BACH1: variants seen among roughly 807,000 people sequenced by gnomAD.
The protein encoded by BACH1 is transcription regulator protein BACH1.
BACH1 carries 35 observed loss-of-function variants against 52.9 expected under a neutral mutation model. That is an observed-to-expected ratio of 0.66 (90% confidence interval 0.51 to 0.88). The LOEUF (loss-of-function observed/expected upper bound fraction) is 0.88. BACH1 is among the 40% of genes least tolerant of loss of function. The pLI is 0.00. For missense variants in BACH1, 808 were observed against 872.6 expected, an observed-to-expected ratio of 0.93 and a Z score of 0.93; for synonymous variants, 321 against 319.6, an observed-to-expected ratio of 1.00 and a Z score of -0.05.
At chr21:29,359,111 A>G (rs1441393461) in intron 2 of BACH1, 1 of 152,102 alleles carries the variant, frequency 6.6e-6, no homozygotes, top group African/African-American at 2.4e-5. Context: ...TCTTATATCA[A>G]GATGTCCATC....
chr21:29,300,365 A>G (rs1433739326), intron 1 of BACH1, among the ~76,000 whole-genome samples: 5 of 152,162 alleles, frequency 3.3e-5, no homozygotes, highest in African/African-American at 1.2e-4. Flanking sequence ...AGCTGGTGCA[A>G]ATACTCTCAT....
In BACH1 at chr21:29,326,327, A is replaced by G; in HGVS notation, c.503A>G (p.Asp168Gly). 6.2e-7 allele frequency: 1 copy of G among 1,614,230 alleles called. No individual in the cohort carries two copies. Among genetic ancestry groups the G allele is most frequent in the Non-Finnish European group, 8.5e-7 (1 of 1,180,030 alleles). ...SLLDQRDLETDEVEEFLENKN... is the reference protein window; with the variant it reads ...SLLDQRDLETGEVEEFLENKN... ...TTGGACCAGAGGGATCTAGAAACTG[A>G]TGAAGTGGAGGAATTTCTGGAAAAT... The change falls in exon 3 of 5, where the codon GAT (aspartate) becomes GGT (glycine). Residue 168 changes from aspartate (D) to glycine (G), a missense_variant. Coordinates refer to ENST00000286800, the MANE Select transcript of BACH1 (RefSeq NM_001186.4).
chr21:29,299,700 G>C (rs2088581875), intron 1 of BACH1: 1 of 152,226 alleles, frequency 6.6e-6, no homozygotes, highest in Non-Finnish European at 1.5e-5. Flanking sequence ...TCATGTCATT[G>C]AGTAGAATTG....
chr21:29,342,892 G>A lies in BACH1; in HGVS notation c.*59G>A, dbSNP rs888040846. 6 of 1,490,354 alleles carry A rather than the reference G, an allele frequency of 4.0e-6. No homozygotes were observed. In the Admixed American group the frequency reaches 1.3e-4, roughly 33 times the overall value. 92.3% of individuals were successfully genotyped at this position (1,490,354 alleles called of 1,614,324 possible). A position where few individuals can be genotyped will look rare whatever the true frequency, so the allele number is the denominator to read the frequency against. On this transcript the variant is annotated 3_prime_UTR_variant, in exon 5 of 5. Coordinates refer to ENST00000286800, the MANE Select transcript of BACH1 (RefSeq NM_001186.4). ...TCTCCTGAAGTTTTGGCAGCGTCTT[G>A]AAAGCCTAATATGACCATCTGTTGC...
At chr21:29,327,545 G>A in intron 3 of BACH1, 152 bp downstream of exon 3, 1 of 1,165,618 alleles carries the variant, frequency 8.6e-7, no homozygotes, top group Non-Finnish European at 1.2e-6. Flanking sequence ...TGTGTGATAG[G>A]GCTGGGCGCA....
Position 29,307,407 on chromosome 21 carries a change from T to TTGTGTGTG in BACH1, c.-61+8467_-61+8474dup, listed in dbSNP as rs139633407. On this transcript the variant is annotated intron_variant, in intron 1 of 4. Coordinates refer to ENST00000286800, the MANE Select transcript of BACH1 (RefSeq NM_001186.4). Reference sequence around the variant, plus strand: ...AACATGTCCATTACCTCACTTACCTTTGTGTGTGTGTGTGTGTGTGGTGAG... The same window carrying TTGTGTGTG: ...AACATGTCCATTACCTCACTTACCTTTGTGTGTGTGTGTGTGTGTGTGTGTGTGGTGAG... Among the ~76,000 whole-genome samples the TTGTGTGTG allele has an allele frequency of 8.4e-3, 1,260 of 150,026 alleles. 8 individuals are homozygous for TTGTGTGTG. Among genetic ancestry groups the TTGTGTGTG allele is most frequent in the East Asian group, 0.03 (156 of 5,154 alleles).
chr21:29,341,598 G>T lies in BACH1; in HGVS notation c.1777-801G>T, dbSNP rs116228856. Among the ~76,000 whole-genome samples the T allele has an allele frequency of 5.9e-3, 901 of 152,150 alleles. 19 individuals carry two copies. Among genetic ancestry groups the T allele is most frequent in the African/African-American group, 0.021 (874 of 41,480 alleles). On this transcript the variant is annotated intron_variant, in intron 4 of 4. Coordinates refer to ENST00000286800, the MANE Select transcript of BACH1 (RefSeq NM_001186.4). ...ATTCTGTGGTAGACTTTCTTATAGG[G>T]GTAATATCTTAAAATTATAATAATA...
intron 1 of BACH1, among the ~76,000 whole-genome samples, chr21:29,300,550 T>G (rs1487922688): frequency 6.6e-6 from 1 of 152,204 alleles, no homozygotes; most frequent in East Asian, 1.9e-4. Context: ...CCTCGTGACC[T>G]GCTGTCTGAG....
At position 29,326,978 on chromosome 21, in the gene BACH1, A is replaced by G. The variant is rs2088920754; in HGVS notation, c.1154A>G (p.Asp385Gly). ...TREDSSVASS[D>G]RSSVEREVAE... is the part of the protein sequence containing the mutation. ...GAAGATAGTAGTGTTGCATCTAGTG[A>G]TAGGAGTAGTGTGGAGCGAGAAGTG... is the stretch of plus-strand genomic sequence containing the variant. The change falls in exon 3 of 5, where the codon GAT becomes GGT. Residue 385 changes from aspartate to glycine, a missense_variant. By Grantham distance (94) the Asp-to-Gly change is moderately conservative. Transcript: ENST00000286800. 6.2e-7 allele frequency: 1 copy of G among 1,614,078 alleles called. No homozygotes were observed. Among genetic ancestry groups the G allele is most frequent in the African/African-American group, 1.3e-5 (1 of 74,942 alleles).
At chr21:29,311,499 G>A (rs1332847322) in intron 1 of BACH1, among the ~76,000 whole-genome samples, 5 of 152,066 alleles carry the variant, frequency 3.3e-5, no homozygotes. Flanking sequence ...TCAGAGTTAT[G>A]TGCAATGTTT....
intron 2 of BACH1, among the ~76,000 whole-genome samples, chr21:29,354,310 A>G (rs943932159): frequency 9.6e-5 from 11 of 114,942 alleles, no homozygotes; most frequent in African/African-American, 3.2e-4. Context: ...TATATGATAA[A>G]GTTTGACATT....
At chr21:29,334,845 C>G (rs905293655) in intron 4 of BACH1, among the ~76,000 whole-genome samples, 3 of 152,126 alleles carry the variant, frequency 2.0e-5, no homozygotes, top group Non-Finnish European at 2.9e-5. Flanking sequence ...AAAAATAAAC[C>G]TGTCCTATTC....
chr21:29,321,179 A>G, intron 1 of BACH1, 42 bp from the exon 2 acceptor site: 2 of 1,009,448 alleles, frequency 2.0e-6, no homozygotes, highest in Non-Finnish European at 3.0e-6. Context: ...TCATTTTTTA[A>G]CAAGATGTTA....
At chr21:29,361,640 G>A (rs1172531396) in intron 2 of BACH1, 1 of 152,202 alleles carries the variant, frequency 6.6e-6, no homozygotes, top group Non-Finnish European at 1.5e-5. Flanking sequence ...GGCAGCTAAT[G>A]AGTAATCAGT....
At chr21:29,330,906 T>G (rs1307584344) in intron 4 of BACH1, among the ~76,000 whole-genome samples, 1 of 148,254 alleles carries the variant, frequency 6.7e-6, no homozygotes, top group Non-Finnish European at 1.5e-5. Flanking sequence ...CATAACTAAA[T>G]AAAAAATAGA....
intron 2 of BACH1, among the ~76,000 whole-genome samples, chr21:29,354,995 G>A (rs769301370): frequency 2.6e-5 from 4 of 152,202 alleles, no homozygotes; most frequent in Non-Finnish European, 5.9e-5. Context: ...AAGCAAGCAA[G>A]ATCTTGCAGC....
intron 1 of BACH1, among the ~76,000 whole-genome samples, chr21:29,314,534 G>C (rs775063470): frequency 6.6e-6 from 1 of 152,134 alleles, no homozygotes; most frequent in Non-Finnish European, 1.5e-5. Flanking sequence ...AATCTTGCCT[G>C]TATGGGACCT....
At chr21:29,309,257 CAAAA>C (rs3054257) in intron 1 of BACH1, among the ~76,000 whole-genome samples, 2 of 91,826 alleles carry the variant, frequency 2.2e-5, no homozygotes, top group African/African-American at 4.0e-5. Context: ...GACTCTGTCT[CAAAA>C]AAAAAAAAAA....
chr21:29,338,849 C>G (rs1319495832), intron 4 of BACH1, among the ~76,000 whole-genome samples: 1 of 151,368 alleles, frequency 6.6e-6, no homozygotes, highest in African/African-American at 2.4e-5. Context: ...CCCTGTGTTT[C>G]TTTTCTAAAA....
Sources: allele counts gnomAD v4.1 joint callset (sites outside exome capture counted in the v4.1 genomes callset), GRCh38; gene constraint gnomAD v4.1.1; transcripts MANE v1.5; gene names NCBI Gene and HGNC (gene_info 2026-07-23, HGNC 2026-07-21).